Variants in PRDM9 observed in about 807,000 individuals in gnomAD.
PRDM9 encodes PR/SET domain 9, also known as histone-lysine N-methyltransferase PRDM9.
PRDM9 carries 47 observed loss-of-function variants against 55.6 expected under a neutral mutation model. That is an observed-to-expected ratio of 0.85 (90% CI 0.67 to 1.08). The LOEUF is 1.08. Among genes scored for constraint, PRDM9 ranks in the 50% least tolerant of loss-of-function variants. The pLI, the probability that PRDM9 is intolerant of heterozygous loss-of-function variation, is 0.00. For synonymous variants in PRDM9, 312 were observed against 375.7 expected, an observed-to-expected ratio of 0.83 and a Z score of 1.96; for missense variants, 867 against 1,040.3, an observed-to-expected ratio of 0.83 and a Z score of 2.29.
intron 9 of PRDM9, 126 bp from the exon 10 acceptor site, chr5:23,524,208 G>C: frequency 8.1e-7 from 1 of 1,237,614 alleles, no homozygotes; most frequent in Non-Finnish European, 1.2e-6. Flanking sequence ...GGTTCCCGGA[G>C]GAGTGGTGGG....
intron 5 of PRDM9, among the ~76,000 whole-genome samples, chr5:23,520,257 C>T (rs1251439991): frequency 4.2e-5 from 6 of 144,190 alleles, no homozygotes; most frequent in East Asian, 4.3e-4. Flanking sequence ...CCTAGCTTCT[C>T]GGGAGGCTGA....
rs766459090 is a variant in PRDM9 at position 23,526,890 on chromosome 5, C to T, written c.1802C>T (p.Thr601Ile). Residue 601 changes from threonine (T) to isoleucine (I), a missense_variant, in exon 11 of 11, where the codon ACA becomes ATA. Physicochemically the swap from Thr to Ile is moderately conservative, Grantham distance 89. Coordinates refer to ENST00000296682, the MANE Select transcript of PRDM9 (RefSeq NM_020227.4). Reference protein sequence around the residue: ...WQSVLLTHQRTHTGEKPYVCR... With the variant: ...WQSVLLTHQRIHTGEKPYVCR... ...TCAGTCCTCCTCACTCACCAGAGGA[C>T]ACACACAGGGGAGAAGCCCTATGTC... 3.8e-5 allele frequency: 59 copies of T among 1,564,636 alleles called. No homozygotes were observed. The highest frequency in any genetic ancestry group is 1.3e-4 in the Admixed American group (7 of 54,978).
At position 23,527,459 on chromosome 5, in the gene PRDM9, C is replaced by T. The variant is rs190574365; in HGVS notation, c.2371C>T (p.Leu791Phe). The T allele has an allele frequency of 1.3e-6, 2 of 1,596,386 alleles. No individual in the cohort carries two copies. Among genetic ancestry groups the T allele is most frequent in the Non-Finnish European group, 1.7e-6 (2 of 1,175,326 alleles). The change falls in exon 11 of 11, where the codon CTC (leucine) becomes TTC (phenylalanine). Residue 791 changes from leucine to phenylalanine, a missense_variant. Leu to Phe is a conservative substitution (Grantham distance 22). Transcript: ENST00000296682. ...GCGGGGCTTTAGAGATAAGTCAAACCTCCTCAGTCACCAGAGGACACACAC... is the reference window on the plus strand; with the variant it reads ...GCGGGGCTTTAGAGATAAGTCAAACTTCCTCAGTCACCAGAGGACACACAC... The part of the protein sequence containing the change: ...CGRGFRDKSN[L>F]LSHQRTHTGE...
At chr5:23,522,224 G>A in intron 6 of PRDM9, 80 bp from the exon 7 acceptor site, 2 of 1,223,274 alleles carry the variant, frequency 1.6e-6, no homozygotes, top group Non-Finnish European at 2.4e-6. Flanking sequence ...CAATTTGATG[G>A]TAGATTTCAC....
chr5:23,516,135 C>G (rs1389895201), intron 4 of PRDM9, among the ~76,000 whole-genome samples: 2 of 152,140 alleles, frequency 1.3e-5, no homozygotes, highest in Admixed American at 1.3e-4. Context: ...TCTTCAAATC[C>G]ATGAACACAG....
At chr5:23,507,317 G>C (rs372593774), upstream of PRDM9, 1 of 152,398 alleles carries the variant, frequency 6.6e-6, no homozygotes, top group East Asian at 1.9e-4. Context: ...ACCGGAGTTG[G>C]GGAAAACCAA....
rs1739363957 is a variant in PRDM9, at chr5:23,522,948, G to T, written c.882+63G>T. 9 of 1,612,414 alleles carry T rather than the reference G, an allele frequency of 5.6e-6. No homozygotes were observed. The Admixed American group carries it at 1.2e-4, about 21-fold the overall frequency. ...CACATCCCTTCTGTGCCTTTGGTGG[G>T]GCATAATCTTCTACATGTTAGTATA... On this transcript the variant is annotated intron_variant, in intron 8 of 10. Coordinates refer to ENST00000296682, the MANE Select transcript of PRDM9 (RefSeq NM_020227.4).
At position 23,524,539 on chromosome 5, in the gene PRDM9, T is replaced by C. The variant is rs767809545; in HGVS notation, c.1144+12T>C. 1.2e-6 allele frequency: 2 copies of C among 1,613,538 alleles called. No individual in the cohort carries two copies. The highest frequency in any genetic ancestry group is 2.2e-5 in the East Asian group (1 of 44,858). On this transcript the variant is annotated intron_variant, in intron 10 of 10. Coordinates refer to ENST00000296682, the MANE Select transcript of PRDM9 (RefSeq NM_020227.4). ...CATGGCAGGGAGAGGTAGGCATCACTATTACTCTTTTAAAAGGACAGGAAA... is the reference window on the plus strand; with the variant it reads ...CATGGCAGGGAGAGGTAGGCATCACCATTACTCTTTTAAAAGGACAGGAAA...
chr5:23,514,233 C>T (rs1739156080), intron 4 of PRDM9, among the ~76,000 whole-genome samples: 2 of 152,180 alleles, frequency 1.3e-5, no homozygotes, highest in Non-Finnish European at 2.9e-5. Flanking sequence ...AAATACCACA[C>T]ACTGGGTGGC....
chr5:23,518,369 A>C (rs1395371676), intron 5 of PRDM9, among the ~76,000 whole-genome samples: 1 of 152,228 alleles, frequency 6.6e-6, no homozygotes. Flanking sequence ...GATCATTAAA[A>C]GTTTCATAGT....
At chr5:23,512,363 A>T (rs1346256848) in intron 4 of PRDM9, among the ~76,000 whole-genome samples, 1 of 152,140 alleles carries the variant, frequency 6.6e-6, no homozygotes, top group African/African-American at 2.4e-5. Context: ...AGGAGAGTTT[A>T]GAAGTAAAAA....
intron 5 of PRDM9, among the ~76,000 whole-genome samples, chr5:23,519,999 G>A (rs1261053384): frequency 2.6e-5 from 4 of 151,056 alleles, no homozygotes; most frequent in Admixed American, 1.3e-4. Context: ...AGCTGAGATC[G>A]TGCCACTGCA....
At chr5:23,523,587 C>T (rs984307963) in intron 9 of PRDM9, among the ~76,000 whole-genome samples, 11 of 152,044 alleles carry the variant, frequency 7.2e-5, no homozygotes, top group Non-Finnish European at 1.3e-4. Flanking sequence ...AAAATTGAGG[C>T]ACCAAGATAA....
intron 4 of PRDM9, among the ~76,000 whole-genome samples, chr5:23,512,419 C>T (rs112334299): frequency 0.013 from 1,970 of 152,138 alleles, 22 homozygotes; most frequent in Non-Finnish European, 0.02. Flanking sequence ...ATTGGGTCTA[C>T]GATTTCCCCA....
At chr5:23,519,418 G>A (rs1739283046) in intron 5 of PRDM9, among the ~76,000 whole-genome samples, 1 of 151,812 alleles carries the variant, frequency 6.6e-6, no homozygotes, top group Non-Finnish European at 1.5e-5. Context: ...ACCCAGGCTG[G>A]AGTGCAGTGG....
rs1739373282 is a variant in PRDM9, at chr5:23,523,386, GA to G, written c.950+29del. 2.5e-6 allele frequency: 4 copies of G among 1,590,020 alleles called. No homozygotes were observed. The African/African-American group carries it at 4.0e-5, about 16-fold the overall frequency. ...AAGGCCAGTAGCTCTCTGAGTTGCA[GA>G]GAGAACCTTCATCTCTCACAAAGCT... On this transcript the variant is annotated intron_variant, in intron 9 of 10. Coordinates refer to ENST00000296682, the MANE Select transcript of PRDM9 (RefSeq NM_020227.4).
rs766471766 is a variant in PRDM9 at position 23,526,952 on chromosome 5, G to A, written c.1864G>A (p.Val622Ile). Reference sequence around the variant, plus strand: ...TGGGCGGGGCTTTAGCCGGCAGTCAGTCCTCCTCACTCACCAGAGGAGACA... The same window carrying A: ...TGGGCGGGGCTTTAGCCGGCAGTCAATCCTCCTCACTCACCAGAGGAGACA... ...ECGRGFSRQS[V>I]LLTHQRRHTG... The change falls in exon 11 of 11, where the codon GTC (valine) becomes ATC (isoleucine). Residue 622 changes from valine (V) to isoleucine (I), a missense_variant. Physicochemically the swap from Val to Ile is conservative, Grantham distance 29. Around this residue, in one of 5 missense-constraint regions of PRDM9, gnomAD observed 27 missense variants for 50.0 expected, o/e 0.54. Transcript: ENST00000296682. The A allele has an allele frequency of 4.8e-6, 3 of 627,194 alleles. No individual in the cohort carries two copies. The highest frequency in any genetic ancestry group is 8.5e-6 in the Non-Finnish European group (3 of 354,246). The allele number at this position is 627,194 out of a possible 1,614,324, so 38.9% of individuals were successfully genotyped here.
intron 3 of PRDM9, 89 bp from the exon 4 acceptor site, chr5:23,509,831 A>G (rs1174024871): frequency 6.2e-6 from 9 of 1,442,984 alleles, no homozygotes; most frequent in Middle Eastern, 1.7e-4. Context: ...ACTGAGCAGC[A>G]CTGGCTTTGT....
In PRDM9 at chr5:23,524,358, T is replaced by C. The variant is rs1373441707; in HGVS notation, c.975T>C (p.Asp325=). The change falls in exon 10 of 11, where the codon GAT becomes GAC. Residue 325 remains aspartate, a synonymous_variant. Transcript: ENST00000296682. ...WMRYVNCARD[D]EEQNLVAFQY... is the part of the protein sequence containing the mutation. ...GGTATGTGAACTGTGCCCGGGATGA[T>C]GAAGAGCAGAACCTGGTGGCCTTCC... The C allele has an allele frequency of 4.3e-6, 7 of 1,613,866 alleles. No homozygotes were observed. The African/African-American group carries it at 6.7e-5, about 15-fold the overall frequency.
Sources: allele counts gnomAD v4.1 joint callset (sites outside exome capture counted in the v4.1 genomes callset), GRCh38; gene constraint gnomAD v4.1.1; regional missense constraint gnomAD v4.1.1; transcripts MANE v1.5; gene names NCBI Gene and HGNC (gene_info 2026-07-23, HGNC 2026-07-21).